Variants in AOAH observed in about 807,000 individuals in gnomAD.
AOAH encodes acyloxyacyl hydrolase (neutrophil).
A neutral mutation model predicts 92.2 loss-of-function variants in AOAH; 64 were observed. That is an observed-to-expected ratio of 0.69 (90% CI 0.57 to 0.86). The LOEUF (loss-of-function observed/expected upper bound fraction) is 0.86. Among genes scored for constraint, AOAH ranks in the 40% least tolerant of loss-of-function variants. The pLI is 0.00. For missense variants in AOAH, 656 were observed against 694.6 expected, an observed-to-expected ratio of 0.94 and a Z score of 0.62; for synonymous variants, 263 against 254.5, an observed-to-expected ratio of 1.03 and a Z score of -0.32.
At chr7:36,599,646 G>T (rs1038204643) in intron 11 of AOAH, 1 of 152,194 alleles carries the variant, frequency 6.6e-6, no homozygotes, top group African/African-American at 2.4e-5. Flanking sequence ...ATGGGGGATT[G>T]TTACTTTACC....
chr7:36,611,134 G>C (rs1201950621), intron 11 of AOAH, among the ~76,000 whole-genome samples: 1 of 152,142 alleles, frequency 6.6e-6, no homozygotes, highest in Admixed American at 6.5e-5. Flanking sequence ...CTTACCAAGT[G>C]GCCAGGCTGA....
At chr7:36,706,585 G>A (rs1358326408) in intron 1 of AOAH, among the ~76,000 whole-genome samples, 1 of 152,142 alleles carries the variant, frequency 6.6e-6, no homozygotes, top group African/African-American at 2.4e-5. Context: ...TTGCAGCTGG[G>A]TATTGACTTC....
chr7:36,566,302 C>A (rs145748127), intron 13 of AOAH, among the ~76,000 whole-genome samples: 43 of 151,062 alleles, frequency 2.8e-4, no homozygotes, highest in African/African-American at 8.3e-4. Flanking sequence ...CTACGTGTAA[C>A]TGAATTCAGC....
chr7:36,719,645 A>G (rs1220356421), intron 1 of AOAH, among the ~76,000 whole-genome samples: 1 of 152,174 alleles, frequency 6.6e-6, no homozygotes, highest in Non-Finnish European at 1.5e-5. Context: ...ACAAAAATGA[A>G]GAGGGCTGGA....
chr7:36,629,843 T>G (rs1488023255), intron 6 of AOAH, among the ~76,000 whole-genome samples: 1 of 152,062 alleles, frequency 6.6e-6, no homozygotes, highest in Admixed American at 6.5e-5. Context: ...TTGTTAGGGG[T>G]TGAATTGTGT....
intron 12 of AOAH, among the ~76,000 whole-genome samples, chr7:36,577,164 C>T (rs1226109061): frequency 2.0e-5 from 3 of 151,906 alleles, no homozygotes; most frequent in African/African-American, 7.3e-5. Context: ...CCATGTCTGT[C>T]CAGAATGAGG....
At chr7:36,560,315 G>C (rs1206205772) in intron 13 of AOAH, among the ~76,000 whole-genome samples, 1 of 152,134 alleles carries the variant, frequency 6.6e-6, no homozygotes, top group Non-Finnish European at 1.5e-5. Flanking sequence ...TCTATAGATT[G>C]CTTTGGGCAG....
intron 3 of AOAH, among the ~76,000 whole-genome samples, chr7:36,669,593 G>C (rs776856390): frequency 4.6e-5 from 7 of 151,844 alleles, no homozygotes; most frequent in Non-Finnish European, 8.8e-5. Flanking sequence ...ATGTTGGTTA[G>C]GTTGATCTCA....
At chr7:36,705,773 C>T (rs1349617762) in intron 1 of AOAH, among the ~76,000 whole-genome samples, 5 of 152,054 alleles carry the variant, frequency 3.3e-5, no homozygotes, top group Admixed American at 3.3e-4. Context: ...CAAAAGGCTG[C>T]AGTAACCAAA....
chr7:36,577,641 C>T lies in AOAH; in HGVS notation c.939-985G>A, dbSNP rs559615561. Among the ~76,000 whole-genome samples, 3 of 152,162 alleles carry T rather than the reference C, an allele frequency of 2.0e-5. No homozygotes were observed. The East Asian group carries it at 5.8e-4, about 29-fold the overall frequency. ...TTTTCTTGGCTCCTTTTTGTCTCAT[C>T]TTTGATTTTTCATTTTCTTTCGCTT... On this transcript the variant is annotated intron_variant, in intron 12 of 20. Coordinates refer to ENST00000617537, the MANE Select transcript of AOAH (RefSeq NM_001637.4).
chr7:36,615,094 C>T (rs982537046), intron 11 of AOAH, among the ~76,000 whole-genome samples: 1 of 152,126 alleles, frequency 6.6e-6, no homozygotes, highest in African/African-American at 2.4e-5. Context: ...CCAAACTTCC[C>T]GAGTCTGGCT....
At chr7:36,550,982 A>G (rs1786192966) in intron 13 of AOAH, among the ~76,000 whole-genome samples, 1 of 151,820 alleles carries the variant, frequency 6.6e-6, no homozygotes, top group South Asian at 2.1e-4. Context: ...GGCAGCACTG[A>G]TGTTCTCTTG....
At chr7:36,624,650 T>C (rs1407243025) in intron 6 of AOAH, among the ~76,000 whole-genome samples, 1 of 152,180 alleles carries the variant, frequency 6.6e-6, no homozygotes, top group African/African-American at 2.4e-5. Context: ...GCGGAGAAGT[T>C]GGTTTCCCGC....
At chr7:36,539,959 C>T (rs1343893967) in intron 16 of AOAH, among the ~76,000 whole-genome samples, 1 of 152,172 alleles carries the variant, frequency 6.6e-6, no homozygotes, top group Admixed American at 6.5e-5. Context: ...GAAGCACTTA[C>T]CATTGAGGTT....
intron 3 of AOAH, among the ~76,000 whole-genome samples, chr7:36,667,865 T>C (rs771380592): frequency 2.0e-5 from 3 of 152,238 alleles, no homozygotes; most frequent in Non-Finnish European, 4.4e-5. Flanking sequence ...CAAATTAACA[T>C]GGCTGCTCTT....
In AOAH at chr7:36,513,021, T is replaced by A; in HGVS notation, c.*231A>T. ...TTGTTTGGAATGGCACCCAAAGCAC[T>A]TTATGAAAGGTTATTTCAGGAACAG... On this transcript the variant is annotated 3_prime_UTR_variant, in exon 21 of 21. Coordinates refer to ENST00000617537, the MANE Select transcript of AOAH (RefSeq NM_001637.4). The A allele has an allele frequency of 6.5e-7, 1 of 1,532,184 alleles. No individual in the cohort carries two copies. The highest frequency in any genetic ancestry group is 8.7e-7 in the Non-Finnish European group (1 of 1,143,500). The allele number at this position is 1,532,184 out of a possible 1,614,324, so 94.9% of individuals were successfully genotyped here. A position where few individuals can be genotyped will look rare whatever the true frequency, so the allele number is the denominator to read the frequency against.
chr7:36,594,487 G>A lies in AOAH; in HGVS notation c.847-57C>T, dbSNP rs1038343095. The A allele has an allele frequency of 2.1e-6, 3 of 1,440,050 alleles. No individual in the cohort carries two copies. In the Admixed American group the frequency reaches 5.2e-5, roughly 25 times the overall value. 89.2% of individuals were successfully genotyped at this position (1,440,050 alleles called of 1,614,324 possible). A position where few individuals can be genotyped will look rare whatever the true frequency, so the allele number is the denominator to read the frequency against. On this transcript the variant is annotated intron_variant, in intron 11 of 20. Coordinates refer to ENST00000617537, the MANE Select transcript of AOAH (RefSeq NM_001637.4). ...AATGGTCATTTATTTTCTAAAGGTA[G>A]TAAGAAAATTCATGGCCTGAGTGTT...
At chr7:36,713,744 T>C (rs1256086613) in intron 1 of AOAH, among the ~76,000 whole-genome samples, 1 of 152,130 alleles carries the variant, frequency 6.6e-6, no homozygotes, top group Non-Finnish European at 1.5e-5. Flanking sequence ...CATAACATAA[T>C]GAAGGCAGAA....
intron 4 of AOAH, among the ~76,000 whole-genome samples, chr7:36,640,600 C>G (rs1187457577): frequency 6.6e-6 from 1 of 152,106 alleles, no homozygotes; most frequent in East Asian, 1.9e-4. Context: ...TTGTCTGCAG[C>G]CTTTGTCTCG....
Sources: allele counts gnomAD v4.1 joint callset (sites outside exome capture counted in the v4.1 genomes callset), GRCh38; gene constraint gnomAD v4.1.1; transcripts MANE v1.5; gene names NCBI Gene and HGNC (gene_info 2026-07-23, HGNC 2026-07-21).